Variants in TBC1D22B observed in about 807,000 individuals in gnomAD.
TBC1D22B encodes chromosome 6 open reading frame 197.
A neutral mutation model predicts 69.1 loss-of-function variants in TBC1D22B; 32 were observed. That is an observed-to-expected ratio of 0.46 (90% CI 0.35 to 0.62). TBC1D22B has a LOEUF of 0.62. Ranked by LOEUF, TBC1D22B falls within the 20% of genes least tolerant of loss-of-function variation. The probability of loss-of-function intolerance (pLI) is 0.00; values close to 1 mark genes in which losing one functional copy is unlikely to be tolerated. For synonymous variants in TBC1D22B, 206 were observed against 229.8 expected (o/e 0.90, Z 0.94); for missense variants, 462 against 630.9 (o/e 0.73, Z 2.87).
chr6:37,293,087 T>A lies in TBC1D22B; in HGVS notation c.982+1730T>A, dbSNP rs184443721. On this transcript the variant is annotated intron_variant, in intron 8 of 12. Coordinates refer to ENST00000373491, the MANE Select transcript of TBC1D22B (RefSeq NM_017772.4). ...CATTATTATTATTATTATTATTATT[T>A]TTTTTTTTGAGACAGAGTCTCGCTC... Among the ~76,000 whole-genome samples, 935 of 149,336 alleles carry A rather than the reference T, an allele frequency of 6.3e-3. 9 individuals are homozygous for A. The highest frequency in any genetic ancestry group is 0.021 in the Middle Eastern group (6 of 290).
intron 12 of TBC1D22B, among the ~76,000 whole-genome samples, chr6:37,319,440 G>T (rs1201511224): frequency 6.6e-6 from 1 of 152,248 alleles, no homozygotes; most frequent in African/African-American, 2.4e-5. Flanking sequence ...GGGAGGTGCA[G>T]ATGATTCCTG....
At chr6:37,270,086 G>A (rs181508097) in intron 2 of TBC1D22B, among the ~76,000 whole-genome samples, 3 of 152,120 alleles carry the variant, frequency 2.0e-5, no homozygotes, top group East Asian at 3.9e-4. Context: ...TATAACTGTA[G>A]GCTGGCATTC....
chr6:37,317,190 A>G lies in TBC1D22B; in HGVS notation c.1373A>G (p.Asp458Gly). The G allele has an allele frequency of 6.4e-7, 1 of 1,570,342 alleles. No homozygotes were observed. The highest frequency in any genetic ancestry group is 8.7e-7 in the Non-Finnish European group (1 of 1,155,506). Residue 458 changes from aspartate (D) to glycine (G), a missense_variant, in exon 12 of 13, where the codon GAT becomes GGT. Asp to Gly is a moderately conservative substitution (Grantham distance 94, BLOSUM62 -1). This residue lies in a region of TBC1D22B where 225 missense variants were observed against 375.4 expected (regional missense o/e 0.60). Coordinates refer to ENST00000373491, the MANE Select transcript of TBC1D22B (RefSeq NM_017772.4). The part of the protein sequence containing the change: ...FLIKWRKEIL[D>G]EEDFQGLLML... ...ATCAAGTGGAGGAAAGAGATCTTGG[A>G]TGAGGAGGATTTTCAGGTGAGTGGC... is the stretch of plus-strand genomic sequence containing the variant.
chr6:37,286,473 G>A (rs1465517961), intron 6 of TBC1D22B, among the ~76,000 whole-genome samples: 2 of 151,460 alleles, frequency 1.3e-5, no homozygotes, highest in African/African-American at 2.4e-5. Context: ...CCGCCACCAC[G>A]CCCGGCTAAT....
chr6:37,289,620 T>C (rs1401064388), intron 7 of TBC1D22B, among the ~76,000 whole-genome samples: 3 of 152,132 alleles, frequency 2.0e-5, no homozygotes, highest in Non-Finnish European at 2.9e-5. Flanking sequence ...GCTGATCCTA[T>C]AGAGTAGAAG....
intron 2 of TBC1D22B, among the ~76,000 whole-genome samples, chr6:37,270,325 G>T (rs7775913): frequency 0.83 from 126,147 of 151,914 alleles, 52,845 homozygotes; most frequent in South Asian, 0.91. Flanking sequence ...GTGGCAGGCA[G>T]CTGTAATCCC....
chr6:37,330,549 T>C (rs757368652), intron 12 of TBC1D22B, among the ~76,000 whole-genome samples: 22 of 152,104 alleles, frequency 1.4e-4, no homozygotes, highest in Non-Finnish European at 2.9e-4. Context: ...ATTTTAACTT[T>C]GTCAAAGGAT....
In TBC1D22B at chr6:37,313,802, T is replaced by C. The variant is rs747799938; in HGVS notation, c.1090-14T>C. On this transcript the variant is annotated splice_polypyrimidine_tract_variant and intron_variant, in intron 9 of 12. Coordinates refer to ENST00000373491, the MANE Select transcript of TBC1D22B (RefSeq NM_017772.4). ...TAGAGTCCATGTTCATCCTGGGCTC[T>C]GTGTCATTTGCAGGATAACTACACC... The C allele has an allele frequency of 1.2e-6, 2 of 1,613,554 alleles. No homozygotes were observed. The highest frequency in any genetic ancestry group is 4.5e-5 in the East Asian group (2 of 44,882).
chr6:37,300,632 G>C (rs982913762), intron 8 of TBC1D22B, among the ~76,000 whole-genome samples: 1 of 152,002 alleles, frequency 6.6e-6, no homozygotes, highest in Non-Finnish European at 1.5e-5. Context: ...AAAACACCGG[G>C]ATTACAGGCA....
chr6:37,283,100 T>C (rs1414882413), intron 5 of TBC1D22B, 148 bp downstream of exon 5: 2 of 652,984 alleles, frequency 3.1e-6, no homozygotes, highest in African/African-American at 3.7e-5. Flanking sequence ...GTCCTATTTC[T>C]GTGCATAAAG....
intron 1 of TBC1D22B, among the ~76,000 whole-genome samples, chr6:37,260,849 C>T (rs533906129): frequency 7.9e-5 from 12 of 152,196 alleles, no homozygotes; most frequent in African/African-American, 2.9e-4. Flanking sequence ...GAATAATATT[C>T]CATAGTATAC....
At chr6:37,305,686 A>AT (rs1443650075) in intron 8 of TBC1D22B, among the ~76,000 whole-genome samples, 38 of 151,590 alleles carry the variant, frequency 2.5e-4, no homozygotes, top group African/African-American at 6.1e-4. Context: ...CCTGGCTATT[A>AT]TTTTTTTGTA....
intron 8 of TBC1D22B, among the ~76,000 whole-genome samples, chr6:37,293,624 T>C (rs761770525): frequency 5.9e-5 from 9 of 152,172 alleles, no homozygotes; most frequent in Non-Finnish European, 1.3e-4. Flanking sequence ...TGCAAAGGCT[T>C]GTAAGTGTTC....
At chr6:37,258,022 A>G (rs1269019406) in intron 1 of TBC1D22B, 49 bp downstream of exon 1, 3 of 1,596,892 alleles carry the variant, frequency 1.9e-6, no homozygotes, top group Non-Finnish European at 1.7e-6. Flanking sequence ...AAACCCTTCC[A>G]GATCCTAATC....
At chr6:37,268,009 C>T (rs761000477) in intron 1 of TBC1D22B, among the ~76,000 whole-genome samples, 3 of 152,086 alleles carry the variant, frequency 2.0e-5, no homozygotes, top group Admixed American at 6.6e-5. Flanking sequence ...AAGACCTAGT[C>T]ATAAGGTTGG....
rs536935499 is a variant in TBC1D22B, at chr6:37,322,070, A to G, written c.1389+4864A>G. Among the ~76,000 whole-genome samples, 24 of 152,312 alleles carry G rather than the reference A, an allele frequency of 1.6e-4. No individual in the cohort carries two copies. In the South Asian group the frequency reaches 5.0e-3, roughly 32 times the overall value. ...CCATTTTGATGTGGGTCATTTTTAC[A>G]TAATCACAATTCATTACCACCATGT... On this transcript the variant is annotated intron_variant, in intron 12 of 12. Coordinates refer to ENST00000373491, the MANE Select transcript of TBC1D22B (RefSeq NM_017772.4).
At chr6:37,290,425 G>A (rs1767139779) in intron 7 of TBC1D22B, among the ~76,000 whole-genome samples, 1 of 152,138 alleles carries the variant, frequency 6.6e-6, no homozygotes, top group Non-Finnish European at 1.5e-5. Flanking sequence ...GAGAAGATGG[G>A]GAGAAGCTCA....
intron 8 of TBC1D22B, among the ~76,000 whole-genome samples, chr6:37,297,461 G>T (rs910341676): frequency 3.3e-5 from 5 of 152,188 alleles, no homozygotes; most frequent in Non-Finnish European, 7.3e-5. Flanking sequence ...TAAGGTAGAT[G>T]TATCAAGCCA....
At chr6:37,311,547 C>T (rs927179640) in intron 8 of TBC1D22B, among the ~76,000 whole-genome samples, 2 of 152,026 alleles carry the variant, frequency 1.3e-5, no homozygotes, top group Admixed American at 6.6e-5. Flanking sequence ...GTTGTATGCA[C>T]CTGTAGTCCC....
Sources: gnomAD v4.1 joint callset for allele counts (sites outside exome capture counted in the v4.1 genomes callset) on GRCh38, gnomAD v4.1.1 for gene constraint, gnomAD v4.1.1 regional missense constraint, MANE v1.5 for transcripts, NCBI Gene and HGNC (gene_info 2026-07-23, HGNC 2026-07-21) for gene names.